TBATA: variants seen among roughly 807,000 people sequenced by gnomAD.
The protein encoded by TBATA is thymus, brain and testes associated.
A neutral mutation model predicts 38.7 loss-of-function variants in TBATA; 47 were observed. That is an observed-to-expected ratio of 1.21 (90% CI 0.96 to 1.55). The LOEUF (loss-of-function observed/expected upper bound fraction) is 1.55, where lower values mean the gene tolerates loss of function less well. Among genes scored for constraint, TBATA ranks in the 40% most tolerant of loss-of-function variants. The pLI is 0.00. For missense variants in TBATA, 436 were observed against 435.6 expected (o/e 1.00, Z -0.01); for synonymous variants, 183 against 170.5 (o/e 1.07, Z -0.57).
At chr10:70,772,450 T>C (rs906808123) in intron 10 of TBATA, 64 bp downstream of exon 10, 6 of 1,521,092 alleles carry the variant, frequency 3.9e-6, no homozygotes, top group African/African-American at 2.7e-5. Flanking sequence ...TGGAATCCCC[T>C]GAGAAATCCA....
chr10:70,771,748 T>A (rs1206630123), intron 10 of TBATA, among the ~76,000 whole-genome samples: 2 of 152,122 alleles, frequency 1.3e-5, no homozygotes, highest in Admixed American at 6.5e-5. Flanking sequence ...GGGAGAATAA[T>A]ATACATTGAG....
chr10:70,774,934 G>C (rs1323492232), intron 8 of TBATA, among the ~76,000 whole-genome samples: 2 of 152,154 alleles, frequency 1.3e-5, no homozygotes, highest in African/African-American at 4.8e-5. Flanking sequence ...GCCTAGGCCT[G>C]GGGTCAGCAT....
At position 70,771,406 on chromosome 10, in the gene TBATA, C is replaced by T. The variant is rs1365149098; in HGVS notation, c.1029G>A (p.Lys343=). Reference sequence around the variant, plus strand: ...TCTCTGCCCTCGGCTTCGATGTCTTCTTCTCTGTGTTCTGGCTTGAATGCA... The same window carrying T: ...TCTCTGCCCTCGGCTTCGATGTCTTTTTCTCTGTGTTCTGGCTTGAATGCA... ...LQMHSSQNTE[K]KTSKPRAES Residue 343 remains lysine, a synonymous_variant, in exon 11 of 11, where the codon AAG becomes AAA. Transcript: ENST00000456372. 2 of 1,614,082 alleles carry T rather than the reference C, an allele frequency of 1.2e-6. No individual in the cohort carries two copies. The highest frequency in any genetic ancestry group is 1.3e-5 in the African/African-American group (1 of 74,916).
intron 2 of TBATA, 24 bp downstream of exon 2, chr10:70,784,623 C>T (rs1336269325): frequency 6.6e-6 from 1 of 152,108 alleles, no homozygotes; most frequent in African/African-American, 2.4e-5. Context: ...CAGAAGGAAC[C>T]AGAGCCCGGG....
chr10:70,772,531 G>A lies in TBATA; in HGVS notation c.956C>T (p.Thr319Ile), dbSNP rs746779801. ...SPKKTKISPF[T>I]KSEKPEYIGE... ...AATCTTACCTGGTTTTTCGCTTTTTGTAAAAGGTGATATCTTCGTTTTCTT... is the reference window on the plus strand; with the variant it reads ...AATCTTACCTGGTTTTTCGCTTTTTATAAAAGGTGATATCTTCGTTTTCTT... The change falls in exon 10 of 11, where the codon ACA (threonine) becomes ATA (isoleucine). Residue 319 changes from threonine to isoleucine, a missense_variant. Coordinates refer to ENST00000456372, the MANE Select transcript of TBATA (RefSeq NM_001318241.2). 5.6e-6 allele frequency: 9 copies of A among 1,613,996 alleles called. No individual in the cohort carries two copies. The African/African-American group carries it at 6.7e-5, about 12-fold the overall frequency.
chr10:70,776,418 T>A (rs1381493983), intron 7 of TBATA: 2 of 456,304 alleles, frequency 4.4e-6, no homozygotes, highest in African/African-American at 2.0e-5. Flanking sequence ...GTCCTGGCTA[T>A]GCTGCTCCGT....
At chr10:70,773,660 TC>T (rs1843016716) in intron 9 of TBATA, among the ~76,000 whole-genome samples, 1 of 152,176 alleles carries the variant, frequency 6.6e-6, no homozygotes, top group Non-Finnish European at 1.5e-5. Flanking sequence ...AGTTTTCCCA[TC>T]TGTAAAATGG....
In TBATA at chr10:70,774,354, T is replaced by C; in HGVS notation, c.779A>G (p.Lys260Arg). The change falls in exon 9 of 11, where the codon AAA becomes AGA. Residue 260 changes from lysine (K) to arginine (R), a missense_variant. Transcript: ENST00000456372. Reference sequence around the variant, plus strand: ...CTGCAGGAGTCCCAGAGCGAGGTCTTTTTCTGAAAGCACAGCCCGGGGGCA... The same window carrying C: ...CTGCAGGAGTCCCAGAGCGAGGTCTCTTTCTGAAAGCACAGCCCGGGGGCA... Reference protein sequence around the residue: ...FWLLYAPPKEKDLALGLLQTA... With the variant: ...FWLLYAPPKERDLALGLLQTA... The C allele has an allele frequency of 1.9e-6, 3 of 1,591,496 alleles. No individual in the cohort carries two copies. The highest frequency in any genetic ancestry group is 2.6e-6 in the Non-Finnish European group (3 of 1,169,876).
intron 4 of TBATA, among the ~76,000 whole-genome samples, chr10:70,780,814 C>T (rs1344431451): frequency 6.6e-6 from 1 of 152,136 alleles, no homozygotes; most frequent in Non-Finnish European, 1.5e-5. Context: ...TCTTCTCTTC[C>T]TCTCACACTC....
chr10:70,778,836 T>G (rs555527181), intron 5 of TBATA, 200 bp from the exon 6 acceptor site: 7 of 635,430 alleles, frequency 1.1e-5, no homozygotes, highest in African/African-American at 1.8e-5. Flanking sequence ...GTGGGTGGGG[T>G]GCGGGGGTGG....
At chr10:70,780,358 G>A (rs7905999) in intron 4 of TBATA, among the ~76,000 whole-genome samples, 87,392 of 151,780 alleles carry the variant, frequency 0.58, 25,380 homozygotes, top group East Asian at 0.63. Flanking sequence ...GGACCTAGCA[G>A]GGCTGCTGTC....
intron 3 of TBATA, 54 bp downstream of exon 3, chr10:70,783,285 C>A: frequency 6.2e-7 from 1 of 1,606,262 alleles, no homozygotes; most frequent in Non-Finnish European, 8.5e-7. Context: ...TGTCTTCTAC[C>A]CTGCCCTACC....
In TBATA at chr10:70,774,460, G is replaced by A. The variant is rs1843130155; in HGVS notation, c.776-103C>T. ...CTCCATCCAGGGCAGCTTTCTCTAA[G>A]CATCCCACCTTCTGCCCTCAGGTCC... On this transcript the variant is annotated intron_variant, in intron 8 of 10. Coordinates refer to ENST00000456372, the MANE Select transcript of TBATA (RefSeq NM_001318241.2). 3.5e-6 allele frequency: 4 copies of A among 1,141,716 alleles called. No individual in the cohort carries two copies. In the Admixed American group the frequency reaches 7.3e-5, roughly 21 times the overall value. The allele number at this position is 1,141,716 out of a possible 1,614,324, so 70.7% of individuals were successfully genotyped here.
chr10:70,772,191 C>G, intron 10 of TBATA: 1 of 542,978 alleles, frequency 1.8e-6, no homozygotes. Context: ...GACCACAGAG[C>G]CTTGTTATTC....
chr10:70,774,297 A>G lies in TBATA; in HGVS notation c.836T>C (p.Leu279Pro). Reference protein sequence around the residue: ...TAVAQLLPQPLVSIPTEKLLS... With the variant: ...TAVAQLLPQPPVSIPTEKLLS... ...GAGCTTTTCTGTAGGGATGGAGACT[A>G]GGGGCTGGGGAAGGAGCTGAGCCAC... The change falls in exon 9 of 11, where the codon CTA becomes CCA. Residue 279 changes from leucine to proline, a missense_variant. Transcript: ENST00000456372. 2.5e-6 allele frequency: 4 copies of G among 1,609,536 alleles called. No homozygotes were observed. Among genetic ancestry groups the G allele is most frequent in the Non-Finnish European group, 3.4e-6 (4 of 1,178,606 alleles).
At chr10:70,775,125 C>G (rs1347729132) in intron 8 of TBATA, 64 bp downstream of exon 8, 1 of 1,486,662 alleles carries the variant, frequency 6.7e-7, no homozygotes, top group African/African-American at 1.4e-5. Context: ...CCTGCAGAAC[C>G]AGAGATCAAG....
In TBATA at chr10:70,774,294, A is replaced by G. The variant is rs1377185271; in HGVS notation, c.839T>C (p.Val280Ala). 2 of 1,609,728 alleles carry G rather than the reference A, an allele frequency of 1.2e-6. No individual in the cohort carries two copies. The highest frequency in any genetic ancestry group is 2.2e-5 in the East Asian group (1 of 44,766). ...TAGGAGCTTTTCTGTAGGGATGGAG[A>G]CTAGGGGCTGGGGAAGGAGCTGAGC... ...AVAQLLPQPL[V>A]SIPTEKLLSQ... The change falls in exon 9 of 11, where the codon GTC becomes GCC. Residue 280 changes from valine (V) to alanine (A), a missense_variant. Physicochemically the swap from Val to Ala is moderately conservative, Grantham distance 64. Coordinates refer to ENST00000456372, the MANE Select transcript of TBATA (RefSeq NM_001318241.2).
intron 5 of TBATA, 173 bp from the exon 6 acceptor site, chr10:70,778,809 G>C (rs561137822): frequency 5.7e-6 from 4 of 700,580 alleles, no homozygotes; most frequent in Non-Finnish European, 1.0e-5. Flanking sequence ...TTCACACCAT[G>C]GGTGGTGGTT....
chr10:70,776,489 A>G (rs1385345288), intron 7 of TBATA: 3 of 447,582 alleles, frequency 6.7e-6, no homozygotes, highest in South Asian at 3.1e-5. Context: ...CATCCGTGGC[A>G]TGGAGGTGCT....
Sources: gnomAD v4.1 joint callset for allele counts (sites outside exome capture counted in the v4.1 genomes callset) on GRCh38, gnomAD v4.1.1 for gene constraint, MANE v1.5 for transcripts, NCBI Gene and HGNC (gene_info 2026-07-23, HGNC 2026-07-21) for gene names.